Variants in ADGRL2 observed in about 807,000 individuals in gnomAD.
ADGRL2 encodes the protein calcium-independent alpha-latrotoxin receptor 2.
ADGRL2 carries 44 observed loss-of-function variants against 157.4 expected under a neutral mutation model. The ratio of observed to expected loss-of-function variants is 0.28; its 90% CI spans 0.22 to 0.36. The LOEUF is 0.36. ADGRL2 is among the 10% of genes least tolerant of loss of function. The pLI is 1.00. For synonymous variants in ADGRL2, 585 were observed against 624.7 expected, an observed-to-expected ratio of 0.94 and a Z score of 0.95; for missense variants, 1,510 against 1,768.9, an observed-to-expected ratio of 0.85 and a Z score of 2.63.
chr1:81,896,661 G>A (rs916447762), intron 2 of ADGRL2, among the ~76,000 whole-genome samples: 2 of 151,646 alleles, frequency 1.3e-5, no homozygotes, highest in African/African-American at 4.8e-5. Context: ...ACATCTTCTG[G>A]TACATAAGAA....
chr1:81,517,425 A>G (rs2079203633), intron 2 of ADGRL2, among the ~76,000 whole-genome samples: 1 of 135,268 alleles, frequency 7.4e-6, no homozygotes, highest in South Asian at 2.4e-4. Context: ...AGATCATGCC[A>G]TTGCACTCCA....
intron 2 of ADGRL2, among the ~76,000 whole-genome samples, chr1:81,550,119 C>A (rs912329408): frequency 6.6e-6 from 1 of 152,048 alleles, no homozygotes; most frequent in South Asian, 2.1e-4. Flanking sequence ...GGGGAAAATC[C>A]AAGGAGTATC....
At position 81,439,315 on chromosome 1, in the gene ADGRL2, C is replaced by T. The variant is rs114590915; in HGVS notation, c.-301-5721C>T. Among the ~76,000 whole-genome samples the T allele has an allele frequency of 9.0e-3, 1,363 of 152,284 alleles. 8 individuals carry two copies. The highest frequency in any genetic ancestry group is 0.02 in the Middle Eastern group (6 of 294). ...TATTACAGCATGGTTGGTAAGTATG[C>T]GAACTCTGAGGCAGAGCACTGTAGG... On this transcript the variant is annotated intron_variant, in intron 1 of 24. Coordinates refer to the ADGRL2 transcript ENST00000370721.
intron 3 of ADGRL2, among the ~76,000 whole-genome samples, chr1:81,636,588 G>A (rs2082119393): frequency 6.6e-6 from 1 of 151,862 alleles, no homozygotes; most frequent in African/African-American, 2.4e-5. Flanking sequence ...ATGTTCTCGG[G>A]AGCTTTAAAG....
chr1:81,947,032 T>G (rs753627021), intron 6 of ADGRL2, among the ~76,000 whole-genome samples: 2 of 152,194 alleles, frequency 1.3e-5, no homozygotes. Context: ...CATGGGTACT[T>G]ATTAAGCATG....
chr1:81,634,720 A>G (rs2082082568), intron 3 of ADGRL2, among the ~76,000 whole-genome samples: 2 of 151,758 alleles, frequency 1.3e-5, no homozygotes, highest in African/African-American at 2.4e-5. Context: ...ACGGGGTTTC[A>G]CCATGTTGGC....
Position 81,977,774 on chromosome 1 carries a change from C to A in ADGRL2, c.3022-2095C>A, listed in dbSNP as rs542337697. ...AAAATTATGAACACCAAATTATGGT[C>A]CTGTACACTTCAGGAAATTGTTTAA... On this transcript the variant is annotated intron_variant, in intron 17 of 23. Coordinates refer to ENST00000686636, the MANE Select transcript of ADGRL2 (RefSeq NM_001366006.2). 2.0e-5 allele frequency among the ~76,000 whole-genome samples: 3 copies of A among 151,618 alleles called. No individual in the cohort carries two copies. The East Asian group carries it at 5.8e-4, about 29-fold the overall frequency.
At chr1:81,712,755 A>ATTTTTTTT (rs60265943) in intron 1 of ADGRL2, among the ~76,000 whole-genome samples, 2 of 100,250 alleles carry the variant, frequency 2.0e-5, no homozygotes, top group Non-Finnish European at 3.8e-5. Context: ...TGGATCGCGG[A>ATTTTTTTT]TTTTTTTTTT....
chr1:81,789,701 C>CAAAAAAAAAAAA (rs34269882), intron 2 of ADGRL2, among the ~76,000 whole-genome samples: 2 of 88,504 alleles, frequency 2.3e-5, no homozygotes, highest in Non-Finnish European at 2.3e-5. Context: ...GTCTCCGTCT[C>CAAAAAAAAAAAA]AAAAAAAAAA....
At position 81,532,216 on chromosome 1, in the gene ADGRL2, A is replaced by G. The variant is rs564894498; in HGVS notation, c.-247-48660A>G. ...CTCCATTATTATTAGTACTTAGCAC[A>G]ACGATAATTCTACTCATTTTTCATG... On this transcript the variant is annotated intron_variant, in intron 2 of 24. Transcript: ENST00000370721. 2.1e-3 allele frequency among the ~76,000 whole-genome samples: 323 copies of G among 152,288 alleles called. 2 individuals are homozygous for G. The highest frequency in any genetic ancestry group is 7.5e-3 in the African/African-American group (310 of 41,574).
chr1:81,993,043 CATATATATAATATACAT>C lies in ADGRL2; in HGVS notation c.*1908_*1924del, dbSNP rs1400608131. On this transcript the variant is annotated 3_prime_UTR_variant, in exon 24 of 24. Coordinates refer to ENST00000686636, the MANE Select transcript of ADGRL2 (RefSeq NM_001366006.2). ...AGGAATGAGATTTAAAAATTAAGTG[CATATATATAATATACAT>C]ATATATATATATATATATATATATA... Among the ~76,000 whole-genome samples the C allele has an allele frequency of 5.6e-5, 6 of 106,984 alleles. No individual in the cohort carries two copies. The highest frequency in any genetic ancestry group is 2.3e-4 in the African/African-American group (6 of 25,710). The allele number at this position is 106,984 out of a possible 152,430, so 70.2% of individuals were successfully genotyped here.
chr1:81,410,280 G>A (rs2076925714), intron 1 of ADGRL2, among the ~76,000 whole-genome samples: 1 of 152,120 alleles, frequency 6.6e-6, no homozygotes, highest in African/African-American at 2.4e-5. Flanking sequence ...AACAGAGAAG[G>A]GAAATTTGTA....
At chr1:81,525,264 G>T (rs1306323869) in intron 2 of ADGRL2, among the ~76,000 whole-genome samples, 1 of 151,704 alleles carries the variant, frequency 6.6e-6, no homozygotes, top group Non-Finnish European at 1.5e-5. Context: ...AGAGTACCCG[G>T]AAGGAGCCTA....
At chr1:81,662,060 G>A (rs113185730) in intron 3 of ADGRL2, among the ~76,000 whole-genome samples, 32 of 152,092 alleles carry the variant, frequency 2.1e-4, no homozygotes, top group African/African-American at 7.2e-4. Flanking sequence ...GGGTACATGA[G>A]ATATGTTTTG....
At chr1:81,520,406 T>C (rs1189702968) in intron 2 of ADGRL2, among the ~76,000 whole-genome samples, 1 of 151,980 alleles carries the variant, frequency 6.6e-6, no homozygotes, top group Non-Finnish European at 1.5e-5. Context: ...ACATACTAAC[T>C]TGAACTTAAA....
intron 3 of ADGRL2, among the ~76,000 whole-genome samples, chr1:81,674,012 T>C (rs539624726): frequency 1.3e-5 from 2 of 152,326 alleles, no homozygotes; most frequent in Admixed American, 1.3e-4. Flanking sequence ...ATAATTTTTA[T>C]AAATTATCTG....
chr1:81,933,169 T>C (rs552121862), intron 3 of ADGRL2, among the ~76,000 whole-genome samples: 2 of 152,356 alleles, frequency 1.3e-5, no homozygotes, highest in Admixed American at 6.5e-5. Context: ...AAATATATTC[T>C]AGTATCTGCT....
At chr1:81,819,862 G>A (rs2090806609) in intron 1 of ADGRL2, among the ~76,000 whole-genome samples, 1 of 152,046 alleles carries the variant, frequency 6.6e-6, no homozygotes, top group African/African-American at 2.4e-5. Context: ...ATACCAGCCT[G>A]CCCCTTTTCA....
intron 2 of ADGRL2, among the ~76,000 whole-genome samples, chr1:81,521,893 T>C (rs2079325032): frequency 2.0e-5 from 3 of 152,288 alleles, no homozygotes; most frequent in Admixed American, 6.5e-5. Context: ...ATGGGCAGTA[T>C]TGAGAAGATA....
Sources: allele counts gnomAD v4.1 joint callset (sites outside exome capture counted in the v4.1 genomes callset), GRCh38; gene constraint gnomAD v4.1.1; transcripts MANE v1.5; gene names NCBI Gene and HGNC (gene_info 2026-07-23, HGNC 2026-07-21).